The following PDLIM5 variants were observed in gnomAD, a reference collection of about 807,000 sequenced individuals.
The protein encoded by PDLIM5 is PDZ and LIM domain 5.
PDLIM5 carries 34 observed loss-of-function variants against 64.2 expected under a neutral mutation model. The ratio of observed to expected loss-of-function variants is 0.53; its 90% confidence interval spans 0.40 to 0.71. The LOEUF (loss-of-function observed/expected upper bound fraction) is 0.71, where lower values mean the gene tolerates loss of function less well. Ranked by LOEUF, PDLIM5 falls within the 30% of genes least tolerant of loss-of-function variation. The pLI is 0.00. For synonymous variants in PDLIM5, 253 were observed against 269.1 expected, an observed-to-expected ratio of 0.94 and a Z score of 0.59; for missense variants, 683 against 733.6, an observed-to-expected ratio of 0.93 and a Z score of 0.80.
chr4:94,660,237 C>A (rs1009133025), intron 11 of PDLIM5, among the ~76,000 whole-genome samples: 2 of 152,118 alleles, frequency 1.3e-5, no homozygotes, highest in Non-Finnish European at 2.9e-5. Context: ...ATCCTTATCT[C>A]CTCTCACCTT....
chr4:94,532,578 TC>T (rs762586662), intron 3 of PDLIM5, among the ~76,000 whole-genome samples: 60 of 152,276 alleles, frequency 3.9e-4, no homozygotes, highest in Non-Finnish European at 8.5e-4. Context: ...CCCTCAGCAA[TC>T]CTTCCGGGTG....
At chr4:94,500,967 A>C (rs1200892856) in intron 2 of PDLIM5, among the ~76,000 whole-genome samples, 1 of 151,708 alleles carries the variant, frequency 6.6e-6, no homozygotes, top group Non-Finnish European at 1.5e-5. Context: ...TTTTTTGTAG[A>C]GACAGGGTTT....
chr4:94,491,251 C>T (rs1726845873), intron 2 of PDLIM5, among the ~76,000 whole-genome samples: 2 of 152,114 alleles, frequency 1.3e-5, no homozygotes, highest in South Asian at 4.1e-4. Flanking sequence ...GAAACTTAAC[C>T]TTCTTCTAAG....
intron 3 of PDLIM5, among the ~76,000 whole-genome samples, chr4:94,565,080 C>T (rs1047088955): frequency 6.6e-6 from 1 of 152,176 alleles, no homozygotes; most frequent in African/African-American, 2.4e-5. Context: ...GGAAAAGACA[C>T]AGCATGAGTG....
At chr4:94,543,346 G>A (rs1029035822) in intron 3 of PDLIM5, among the ~76,000 whole-genome samples, 11 of 151,716 alleles carry the variant, frequency 7.3e-5, no homozygotes, top group Admixed American at 6.6e-5. Flanking sequence ...TGTTTATCAT[G>A]TACAACATAA....
At chr4:94,654,429 A>G in intron 9 of PDLIM5, 31 bp from the exon 10 acceptor site, 2 of 1,464,532 alleles carry the variant, frequency 1.4e-6, no homozygotes, top group Non-Finnish European at 1.9e-6. Flanking sequence ...TTTTATTCTC[A>G]AACTTAGTTG....
At chr4:94,532,418 T>C (rs1730963298) in intron 3 of PDLIM5, among the ~76,000 whole-genome samples, 1 of 152,184 alleles carries the variant, frequency 6.6e-6, no homozygotes, top group Admixed American at 6.5e-5. Flanking sequence ...CGCCTAAGCT[T>C]CTACAGCCCT....
At chr4:94,650,547 G>T (rs1288966241) in intron 9 of PDLIM5, among the ~76,000 whole-genome samples, 1 of 152,010 alleles carries the variant, frequency 6.6e-6, no homozygotes, top group South Asian at 2.1e-4. Flanking sequence ...CAGTTAGTTC[G>T]TCATCCATAT....
intron 7 of PDLIM5, among the ~76,000 whole-genome samples, chr4:94,611,674 A>G (rs1021760207): frequency 4.6e-5 from 7 of 152,244 alleles, no homozygotes; most frequent in African/African-American, 1.7e-4. Flanking sequence ...GCTAAACACC[A>G]AAATAGATTT....
At chr4:94,531,417 T>C (rs1560682213) in intron 3 of PDLIM5, among the ~76,000 whole-genome samples, 1 of 152,216 alleles carries the variant, frequency 6.6e-6, no homozygotes, top group Non-Finnish European at 1.5e-5. Flanking sequence ...GAATATATAA[T>C]GCCTTAGAGG....
intron 7 of PDLIM5, among the ~76,000 whole-genome samples, chr4:94,605,554 G>T (rs1737843432): frequency 6.6e-6 from 1 of 152,196 alleles, no homozygotes; most frequent in African/African-American, 2.4e-5. Context: ...CAACCTAAAA[G>T]GAGTAAACAC....
At chr4:94,658,256 A>G (rs890469199) in intron 11 of PDLIM5, among the ~76,000 whole-genome samples, 3 of 152,150 alleles carry the variant, frequency 2.0e-5, no homozygotes, top group Middle Eastern at 3.2e-3. Context: ...AATAAACTGG[A>G]GATCGTTTGT....
chr4:94,563,901 T>G (rs1429756404), intron 3 of PDLIM5, among the ~76,000 whole-genome samples: 3 of 152,080 alleles, frequency 2.0e-5, no homozygotes, highest in Non-Finnish European at 4.4e-5. Context: ...GGATTTAATC[T>G]TCTTCCAAAA....
At chr4:94,618,317 C>T (rs1738952193) in intron 8 of PDLIM5, 126 bp downstream of exon 8, 1 of 559,352 alleles carries the variant, frequency 1.8e-6, no homozygotes. Flanking sequence ...TTAGAAAGGA[C>T]TATCAGGATT....
chr4:94,579,076 A>G (rs1316433571), intron 5 of PDLIM5: 1 of 152,216 alleles, frequency 6.6e-6, no homozygotes, highest in African/African-American at 2.4e-5. Context: ...TGAAATCTGT[A>G]CATAACGTCG....
chr4:94,576,015 GA>G lies in PDLIM5; in HGVS notation c.692del (p.Asp231AlafsTer34). On this transcript the variant is annotated frameshift_variant, in exon 5 of 13. Coordinates refer to ENST00000317968, the MANE Select transcript of PDLIM5 (RefSeq NM_006457.5). LOFTEE classifies it high-confidence loss of function. ...GGGACAGAGAAGAGGATCCCAGGGTGACAGTAAACAGCAAAATGGGTAGGTG... is the reference window on the plus strand; with the variant it reads ...GGGACAGAGAAGAGGATCCCAGGGTGCAGTAAACAGCAAAATGGGTAGGTG... ...AEGQRRGSQG[D>X]SKQQNGPPRK... The G allele has an allele frequency of 6.2e-7, 1 of 1,613,600 alleles. No homozygotes were observed.
intron 5 of PDLIM5, chr4:94,577,439 A>T (rs1735371368): frequency 2.2e-6 from 1 of 447,828 alleles, no homozygotes; most frequent in African/African-American, 2.1e-5. Flanking sequence ...TACGGTCTTG[A>T]GGTTGTGGGT....
chr4:94,643,070 T>TTTA (rs1741133297), intron 9 of PDLIM5, among the ~76,000 whole-genome samples: 1 of 152,032 alleles, frequency 6.6e-6, no homozygotes, highest in Admixed American at 6.6e-5. Context: ...TTATTTATTT[T>TTTA]TTTTTTTTCA....
chr4:94,659,747 C>G (rs985431897), intron 11 of PDLIM5, among the ~76,000 whole-genome samples: 5 of 150,530 alleles, frequency 3.3e-5, no homozygotes, highest in Admixed American at 2.6e-4. Flanking sequence ...CCAGGATGGT[C>G]TCGATCTCCT....
Sources: gnomAD v4.1 joint callset for allele counts (sites outside exome capture counted in the v4.1 genomes callset) on GRCh38, gnomAD v4.1.1 for gene constraint, MANE v1.5 for transcripts, NCBI Gene and HGNC (gene_info 2026-07-23, HGNC 2026-07-21) for gene names.